PTP4A1: variants seen among roughly 807,000 people sequenced by gnomAD.
PTP4A1 encodes the protein protein tyrosine phosphatase 4A1.
Under a neutral mutation model 20.5 loss-of-function variants are expected in PTP4A1, and 9 were observed. That is an observed-to-expected ratio of 0.44 (90% CI 0.26 to 0.77). The LOEUF (loss-of-function observed/expected upper bound fraction) is 0.77. PTP4A1 is among the 30% of genes least tolerant of loss of function. The pLI, the probability that PTP4A1 is intolerant of heterozygous loss-of-function variation, is 0.19. For missense variants in PTP4A1, 137 were observed against 218.8 expected, an observed-to-expected ratio of 0.63 and a Z score of 2.36; for synonymous variants, 78 against 67.4, an observed-to-expected ratio of 1.16 and a Z score of -0.77.
intron 3 of PTP4A1, among the ~76,000 whole-genome samples, chr6:63,566,384 G>A (rs974829555): frequency 6.6e-6 from 1 of 152,128 alleles, no homozygotes; most frequent in Non-Finnish European, 1.5e-5. Flanking sequence ...TAAGGAATTC[G>A]GCTCAGGGTC....
At chr6:63,521,492 TA>T (rs1774923219), upstream of PTP4A1, among the ~76,000 whole-genome samples, 1 of 152,076 alleles carries the variant, frequency 6.6e-6, no homozygotes, top group Admixed American at 6.6e-5. Flanking sequence ...AGAAAATACA[TA>T]AACAACACAT....
chr6:63,547,442 G>A (rs927912375), intron 2 of PTP4A1, among the ~76,000 whole-genome samples: 11 of 150,658 alleles, frequency 7.3e-5, no homozygotes, highest in South Asian at 2.1e-4. Flanking sequence ...AATCTGCCTC[G>A]GCCTCCCAAA....
At position 63,530,117 on chromosome 6, in the gene PTP4A1, T is replaced by A. The variant is rs542124967; in HGVS notation, c.-640+2033T>A. Among the ~76,000 whole-genome samples the A allele has an allele frequency of 2.0e-5, 3 of 152,102 alleles. No individual in the cohort carries two copies. In the East Asian group the frequency reaches 5.8e-4, roughly 29 times the overall value. On this transcript the variant is annotated intron_variant, in intron 2 of 3. Transcript: ENST00000639568. Reference sequence around the variant, plus strand: ...TGAAAATGAGCCGATAGAAAATCAATCCAAAGAAACTGACAGAAGGAAGTC... The same window carrying A: ...TGAAAATGAGCCGATAGAAAATCAAACCAAAGAAACTGACAGAAGGAAGTC...
chr6:63,534,598 T>A (rs569806094), intron 2 of PTP4A1, among the ~76,000 whole-genome samples: 4 of 152,066 alleles, frequency 2.6e-5, no homozygotes, highest in Non-Finnish European at 5.9e-5. Flanking sequence ...GAGAATTGCT[T>A]GAGCCCAAGA....
intron 3 of PTP4A1, among the ~76,000 whole-genome samples, chr6:63,562,216 T>A (rs974124580): frequency 2.2e-4 from 34 of 151,154 alleles, no homozygotes; most frequent in African/African-American, 8.2e-4. Flanking sequence ...TTTTTTTTTT[T>A]GAGACAGAGT....
At chr6:63,548,323 T>G (rs1776292026) in intron 2 of PTP4A1, among the ~76,000 whole-genome samples, 1 of 152,210 alleles carries the variant, frequency 6.6e-6, no homozygotes, top group Non-Finnish European at 1.5e-5. Flanking sequence ...GTAAAGAAAA[T>G]CACAATATCT....
chr6:63,557,815 A>G (rs769715984), intron 3 of PTP4A1, among the ~76,000 whole-genome samples: 1 of 152,178 alleles, frequency 6.6e-6, no homozygotes, highest in Non-Finnish European at 1.5e-5. Flanking sequence ...TCTAAAAGTC[A>G]GTGTAGGATC....
intron 1 of PTP4A1, among the ~76,000 whole-genome samples, chr6:63,572,929 G>T (rs1275815149): frequency 6.6e-6 from 1 of 152,170 alleles, no homozygotes; most frequent in African/African-American, 2.4e-5. Context: ...GCCCCTCGGG[G>T]CTGCGGGGTG....
intron 2 of PTP4A1, among the ~76,000 whole-genome samples, chr6:63,536,560 A>G (rs933816245): frequency 5.9e-5 from 9 of 152,160 alleles, no homozygotes; most frequent in African/African-American, 9.7e-5. Flanking sequence ...ATCACCACTT[A>G]TATTTTATCC....
chr6:63,563,474 A>T (rs752760935), intron 3 of PTP4A1, among the ~76,000 whole-genome samples: 3 of 152,082 alleles, frequency 2.0e-5, no homozygotes, highest in African/African-American at 7.2e-5. Flanking sequence ...TTAGATCTGG[A>T]TCTCCTGGGA....
At position 63,528,711 on chromosome 6, in the gene PTP4A1, C is replaced by A. The variant is rs545847174; in HGVS notation, c.-640+627C>A. On this transcript the variant is annotated intron_variant, in intron 2 of 3. Coordinates refer to the PTP4A1 transcript ENST00000639568. ...GGGGGAGGTCAAGGCTGCAGTGAGCCAAGATTGCACCACTGTACTCCAGCC... is the reference window on the plus strand; with the variant it reads ...GGGGGAGGTCAAGGCTGCAGTGAGCAAAGATTGCACCACTGTACTCCAGCC... Among the ~76,000 whole-genome samples the A allele has an allele frequency of 2.6e-5, 4 of 152,148 alleles. No individual in the cohort carries two copies. The East Asian group carries it at 5.8e-4, about 22-fold the overall frequency.
chr6:63,572,896 G>A (rs1348166412), intron 1 of PTP4A1, among the ~76,000 whole-genome samples, 177 bp downstream of exon 1: 1 of 152,096 alleles, frequency 6.6e-6, no homozygotes, highest in African/African-American at 2.4e-5. Flanking sequence ...GATTGCGGCC[G>A]GCTGTGCGGA....
intron 2 of PTP4A1, chr6:63,528,150 C>T (rs1231530264): frequency 1.3e-5 from 2 of 152,184 alleles, no homozygotes; most frequent in African/African-American, 4.8e-5. Flanking sequence ...TGCTGGGTAA[C>T]CCACTCCTAC....
intron 2 of PTP4A1, among the ~76,000 whole-genome samples, chr6:63,532,965 T>C (rs1264073465): frequency 6.6e-6 from 1 of 152,202 alleles, no homozygotes; most frequent in Non-Finnish European, 1.5e-5. Flanking sequence ...TCCTATGGCA[T>C]GGGAAGGAGG....
chr6:63,526,520 G>T (rs1337759027), intron 1 of PTP4A1, among the ~76,000 whole-genome samples: 1 of 149,416 alleles, frequency 6.7e-6, no homozygotes. Flanking sequence ...TTTTTAAAAA[G>T]ATTTTTAGGC....
chr6:63,528,591 C>T (rs1775293839), intron 2 of PTP4A1, among the ~76,000 whole-genome samples: 1 of 151,734 alleles, frequency 6.6e-6, no homozygotes, highest in Admixed American at 6.6e-5. Context: ...ATTAGCCAGC[C>T]ATGAAAAACT....
intron 2 of PTP4A1, among the ~76,000 whole-genome samples, chr6:63,534,143 G>A (rs533257585): frequency 3.3e-5 from 5 of 151,650 alleles, no homozygotes; most frequent in East Asian, 3.9e-4. Context: ...GTGCCCAGCC[G>A]AACAAACATT....
intron 1 of PTP4A1, among the ~76,000 whole-genome samples, chr6:63,574,321 C>T (rs1216952967): frequency 6.6e-6 from 1 of 152,140 alleles, no homozygotes; most frequent in African/African-American, 2.4e-5. Flanking sequence ...TTCCTCCTCT[C>T]CCTTCTTGTA....
rs555209652 is a variant in PTP4A1, at chr6:63,573,029, G to A, written c.-446+310G>A. On this transcript the variant is annotated intron_variant, in intron 1 of 5. Coordinates refer to ENST00000626021, the MANE Select transcript of PTP4A1 (RefSeq NM_003463.5). Reference sequence around the variant, plus strand: ...CGGTCCGGCTTCTGCGGCGGCCGGGGGCAGTTTCGGCTTCCGCAGCGGGCC... The same window carrying A: ...CGGTCCGGCTTCTGCGGCGGCCGGGAGCAGTTTCGGCTTCCGCAGCGGGCC... Among the ~76,000 whole-genome samples, 145 of 152,102 alleles carry A rather than the reference G, an allele frequency of 9.5e-4. 2 individuals carry two copies. In the South Asian group the frequency reaches 0.018, roughly 19 times the overall value.
Sources: gnomAD v4.1 joint callset for allele counts (sites outside exome capture counted in the v4.1 genomes callset) on GRCh38, gnomAD v4.1.1 for gene constraint, MANE v1.5 for transcripts, NCBI Gene and HGNC (gene_info 2026-07-23, HGNC 2026-07-21) for gene names.